ACOXL: variants seen among roughly 807,000 people sequenced by gnomAD.
ACOXL encodes the protein acyl-coenzyme A oxidase-like protein.
In ACOXL, 70 loss-of-function variants were observed where a neutral mutation model predicts 71.9. The ratio of observed to expected loss-of-function variants is 0.97; its 90% confidence interval spans 0.80 to 1.19. The LOEUF is 1.19. Among genes scored for constraint, ACOXL ranks in the 50% most tolerant of loss-of-function variants. ACOXL has a pLI of 0.00. For synonymous variants in ACOXL, 253 were observed against 281.6 expected (o/e 0.90, Z 1.02); for missense variants, 703 against 736.3 (o/e 0.95, Z 0.52).
intron 11 of ACOXL, among the ~76,000 whole-genome samples, chr2:110,919,039 A>G (rs982504115): frequency 6.6e-5 from 10 of 152,158 alleles, no homozygotes; most frequent in African/African-American, 2.2e-4. Flanking sequence ...TTGACCCAGC[A>G]ATCCCATTAC....
intron 16 of ACOXL, among the ~76,000 whole-genome samples, chr2:111,081,700 A>G (rs2067932526): frequency 6.6e-6 from 1 of 152,218 alleles, no homozygotes; most frequent in African/African-American, 2.4e-5. Flanking sequence ...ACCAAAAAAG[A>G]GCCCGTATAG....
chr2:111,008,306 G>A (rs2063971957), intron 14 of ACOXL, among the ~76,000 whole-genome samples: 1 of 152,162 alleles, frequency 6.6e-6, no homozygotes, highest in African/African-American at 2.4e-5. Context: ...ATACACAAAA[G>A]TGTACTCAGA....
chr2:110,967,067 A>T (rs900110962), intron 12 of ACOXL, among the ~76,000 whole-genome samples: 1 of 152,244 alleles, frequency 6.6e-6, no homozygotes, highest in African/African-American at 2.4e-5. Context: ...GCGGATACCA[A>T]GAAGAATCCA....
At chr2:110,897,101 A>G (rs1299534661) in intron 10 of ACOXL, among the ~76,000 whole-genome samples, 1 of 152,182 alleles carries the variant, frequency 6.6e-6, no homozygotes, top group Admixed American at 6.5e-5. Context: ...ATCACTTCCT[A>G]AATAAACAAC....
In ACOXL at chr2:111,118,447, G is replaced by A. The variant is rs886078955; in HGVS notation, c.*631G>A. On this transcript the variant is annotated 3_prime_UTR_variant, in exon 18 of 18. Coordinates refer to ENST00000439055, the MANE Select transcript of ACOXL (RefSeq NM_001142807.4). ...CTCCCAGGCCGGCGGTTTCCGTACG[G>A]CAAGACAAGGCGCGGAAAACATTTT... Among the ~76,000 whole-genome samples, 2 of 152,314 alleles carry A rather than the reference G, an allele frequency of 1.3e-5. No homozygotes were observed. Among genetic ancestry groups the A allele is most frequent in the Non-Finnish European group, 2.9e-5 (2 of 68,032 alleles).
At chr2:110,968,097 G>A in intron 12 of ACOXL, 1 of 1,321,942 alleles carries the variant, frequency 7.6e-7, no homozygotes, top group Non-Finnish European at 1.1e-6. Flanking sequence ...AATATGGTGT[G>A]AAGGTTGGCC....
intron 16 of ACOXL, among the ~76,000 whole-genome samples, chr2:111,050,696 A>G (rs1037651157): frequency 6.6e-6 from 1 of 152,150 alleles, no homozygotes; most frequent in African/African-American, 2.4e-5. Flanking sequence ...TTACATGGGC[A>G]TCTCAGAGGC....
chr2:110,753,085 G>A (rs979961379), intron 1 of ACOXL, among the ~76,000 whole-genome samples: 8 of 152,238 alleles, frequency 5.3e-5, no homozygotes, highest in Admixed American at 5.2e-4. Context: ...CCTCCTGCTG[G>A]TGGTGAGTTC....
At position 111,117,654 on chromosome 2, in the gene ACOXL, G is replaced by A; in HGVS notation, c.1581G>A (p.Arg527=). The A allele has an allele frequency of 6.4e-7, 1 of 1,551,786 alleles. No individual in the cohort carries two copies. The highest frequency in any genetic ancestry group is 8.7e-7 in the Non-Finnish European group (1 of 1,147,020). ...DLCDSVKDDA[R]RVISTFNIPH... Reference sequence around the variant, plus strand: ...GCGACTCGGTGAAGGATGATGCCCGGAGGGTGATCTCGACCTTTAACATTC... The same window carrying A: ...GCGACTCGGTGAAGGATGATGCCCGAAGGGTGATCTCGACCTTTAACATTC... The change falls in exon 18 of 18, where the codon CGG becomes CGA. Residue 527 remains arginine, a synonymous_variant. Transcript: ENST00000439055.
intron 16 of ACOXL, among the ~76,000 whole-genome samples, chr2:111,058,747 A>C (rs2066664755): frequency 6.6e-6 from 1 of 152,194 alleles, no homozygotes; most frequent in African/African-American, 2.4e-5. Context: ...CCCAGAACCC[A>C]GGAAAATGCC....
At chr2:110,842,604 G>A (rs1031097909) in intron 10 of ACOXL, among the ~76,000 whole-genome samples, 1 of 152,220 alleles carries the variant, frequency 6.6e-6, no homozygotes, top group Non-Finnish European at 1.5e-5. Context: ...ATTGGACAAA[G>A]AGGGTATGAT....
At chr2:110,984,812 T>A (rs2062856013) in intron 12 of ACOXL, among the ~76,000 whole-genome samples, 6 of 152,202 alleles carry the variant, frequency 3.9e-5, no homozygotes, top group Admixed American at 3.9e-4. Context: ...ATGTACTTAT[T>A]CATTTACTCA....
intron 1 of ACOXL, among the ~76,000 whole-genome samples, chr2:110,751,367 T>C (rs1336483014): frequency 6.6e-6 from 1 of 152,094 alleles, no homozygotes; most frequent in Non-Finnish European, 1.5e-5. Context: ...ATTGAGGATC[T>C]TTATATCCAC....
chr2:111,096,271 C>A (rs2068796139), intron 17 of ACOXL, among the ~76,000 whole-genome samples: 3 of 150,540 alleles, frequency 2.0e-5, no homozygotes, highest in East Asian at 1.9e-4. Flanking sequence ...GAGTCTTGCT[C>A]TGTAGCCCAG....
intron 17 of ACOXL, chr2:111,100,798 G>A (rs1254775597): frequency 1.3e-5 from 2 of 152,648 alleles, no homozygotes; most frequent in Non-Finnish European, 2.9e-5. Flanking sequence ...CTACTGAAAG[G>A]AGCCATTCGT....
intron 17 of ACOXL, among the ~76,000 whole-genome samples, chr2:111,115,843 T>C (rs972877746): frequency 2.6e-5 from 4 of 152,348 alleles, no homozygotes; most frequent in African/African-American, 9.6e-5. Flanking sequence ...TGAACACTTA[T>C]GAGTGAAGAA....
intron 16 of ACOXL, among the ~76,000 whole-genome samples, chr2:111,076,136 A>G (rs1172013140): frequency 6.6e-6 from 1 of 152,130 alleles, no homozygotes; most frequent in African/African-American, 2.4e-5. Context: ...TCTTCTGTCA[A>G]TCAGCATTCT....
intron 14 of ACOXL, among the ~76,000 whole-genome samples, chr2:111,019,771 C>T (rs927707465): frequency 7.9e-5 from 12 of 152,232 alleles, no homozygotes; most frequent in Non-Finnish European, 1.0e-4. Flanking sequence ...TGGCAGGCCC[C>T]GCAACTGCCG....
intron 2 of ACOXL, among the ~76,000 whole-genome samples, chr2:110,783,933 C>T (rs568838044): frequency 2.0e-4 from 30 of 152,332 alleles, no homozygotes; most frequent in Admixed American, 1.9e-3. Flanking sequence ...TCATTTGTCA[C>T]TGGTGGAGAA....
Sources: gnomAD v4.1 joint callset for allele counts (sites outside exome capture counted in the v4.1 genomes callset) on GRCh38, gnomAD v4.1.1 for gene constraint, MANE v1.5 for transcripts, NCBI Gene and HGNC (gene_info 2026-07-23, HGNC 2026-07-21) for gene names.